Variants in IQGAP2 observed in about 807,000 individuals in gnomAD.
The protein encoded by IQGAP2 is ras GTPase-activating-like protein IQGAP2.
In IQGAP2, 173 loss-of-function variants were observed where a neutral mutation model predicts 201.3. The observed-to-expected ratio is 0.86, with a 90% CI of 0.76 to 0.98. The LOEUF (loss-of-function observed/expected upper bound fraction) is 0.98. Ranked by LOEUF, IQGAP2 falls within the 50% of genes least tolerant of loss-of-function variation. The pLI, the probability that IQGAP2 is intolerant of heterozygous loss-of-function variation, is 0.00. For synonymous variants in IQGAP2, 675 were observed against 673.9 expected, an observed-to-expected ratio of 1.00 and a Z score of -0.03; for missense variants, 1,687 against 1,864.8, an observed-to-expected ratio of 0.90 and a Z score of 1.76.
rs534112895 is a variant in IQGAP2 at position 76,676,577 on chromosome 5, C to A, written c.3528-641C>A. 2.4e-3 allele frequency among the ~76,000 whole-genome samples: 358 copies of A among 152,338 alleles called. 2 individuals carry two copies. The highest frequency in any genetic ancestry group is 8.3e-3 in the African/African-American group (346 of 41,576). On this transcript the variant is annotated intron_variant, in intron 27 of 35. Coordinates refer to ENST00000274364, the MANE Select transcript of IQGAP2 (RefSeq NM_006633.5). Reference sequence around the variant, plus strand: ...ACTATTCAACTGTGATCACAGCATGCCTCACTTCTCTTGATCTCTGTCAAA... The same window carrying A: ...ACTATTCAACTGTGATCACAGCATGACTCACTTCTCTTGATCTCTGTCAAA...
At position 76,436,071 on chromosome 5, in the gene IQGAP2, A is replaced by G. The variant is rs1242159289; in HGVS notation, c.47-25499A>G. Among the ~76,000 whole-genome samples the G allele has an allele frequency of 3.9e-5, 6 of 152,238 alleles. No individual in the cohort carries two copies. In the East Asian group the frequency reaches 1.2e-3, roughly 29 times the overall value. On this transcript the variant is annotated intron_variant, in intron 1 of 35. Coordinates refer to ENST00000274364, the MANE Select transcript of IQGAP2 (RefSeq NM_006633.5). ...ATTGATTTGTGTACATTGATTTTAT[A>G]ACCTGAGACTTTACTGAACGCATTT...
chr5:76,655,317 GAGTT>G (rs1351774421), intron 20 of IQGAP2, among the ~76,000 whole-genome samples: 8 of 152,138 alleles, frequency 5.3e-5, no homozygotes, highest in Admixed American at 4.6e-4. Flanking sequence ...TAATGCAAAA[GAGTT>G]AGCCAGAAAA....
At chr5:76,417,890 C>G (rs1489551290) in intron 1 of IQGAP2, among the ~76,000 whole-genome samples, 2 of 150,652 alleles carry the variant, frequency 1.3e-5, no homozygotes, top group South Asian at 4.3e-4. Context: ...CTGATATGTG[C>G]TTTTTTTTGA....
At chr5:76,454,485 C>G (rs1367034881) in intron 1 of IQGAP2, among the ~76,000 whole-genome samples, 1 of 145,008 alleles carries the variant, frequency 6.9e-6, no homozygotes, top group Non-Finnish European at 1.5e-5. Context: ...TGTTCCACTT[C>G]CTGTGTCCAT....
At chr5:76,652,649 T>C (rs2252231) in intron 17 of IQGAP2, 101 bp from the exon 18 acceptor site, 431,413 of 838,782 alleles carry the variant, frequency 0.51, 114,686 homozygotes, top group Middle Eastern at 0.57. Context: ...CCTGACAGTG[T>C]CCCAGCTCCA....
chr5:76,592,811 G>T (rs1200351908), intron 8 of IQGAP2, 27 bp from the exon 9 acceptor site: 1 of 1,416,158 alleles, frequency 7.1e-7, no homozygotes, highest in South Asian at 1.2e-5. Flanking sequence ...TTTAACCTCA[G>T]AAATCAGTGA....
At chr5:76,613,636 G>T (rs1191276194) in intron 13 of IQGAP2, among the ~76,000 whole-genome samples, 3 of 152,182 alleles carry the variant, frequency 2.0e-5, no homozygotes, top group Non-Finnish European at 2.9e-5. Flanking sequence ...AATGTAGCTA[G>T]TATTATTGTG....
chr5:76,667,496 A>G (rs1743887328), intron 22 of IQGAP2, among the ~76,000 whole-genome samples: 1 of 152,170 alleles, frequency 6.6e-6, no homozygotes. Context: ...CCTGAACATT[A>G]TTGTTCTCTT....
intron 12 of IQGAP2, 142 bp downstream of exon 12, chr5:76,606,445 T>C (rs1215609178): frequency 3.7e-6 from 2 of 546,502 alleles, no homozygotes; most frequent in African/African-American, 3.8e-5. Flanking sequence ...CCTTTATTTA[T>C]AGGTAGATTT....
intron 17 of IQGAP2, among the ~76,000 whole-genome samples, chr5:76,644,584 G>A (rs539438125): frequency 1.1e-3 from 159 of 151,028 alleles, no homozygotes; most frequent in African/African-American, 3.7e-3. Context: ...ATAGGCATAA[G>A]CCACCACACC....
At chr5:76,555,966 T>A (rs1408831143) in intron 2 of IQGAP2, among the ~76,000 whole-genome samples, 1 of 152,176 alleles carries the variant, frequency 6.6e-6, no homozygotes, top group African/African-American at 2.4e-5. Context: ...GACTCTGGTA[T>A]TGAAGGAGCT....
chr5:76,702,639 T>A (rs1747507161), intron 35 of IQGAP2, 49 bp downstream of exon 35: 1 of 878,390 alleles, frequency 1.1e-6, no homozygotes, highest in Non-Finnish European at 2.0e-6. Context: ...TATATGTGGA[T>A]CATACATTGC....
At chr5:76,674,438 C>A in intron 26 of IQGAP2, 39 bp from the exon 27 acceptor site, 1 of 1,224,650 alleles carries the variant, frequency 8.2e-7, no homozygotes, top group Non-Finnish European at 1.2e-6. Flanking sequence ...CTTGAGTTTT[C>A]TCTCTTAAAA....
chr5:76,703,933 T>C (rs3822548), intron 35 of IQGAP2, among the ~76,000 whole-genome samples: 49,061 of 152,062 alleles, frequency 0.32, 8,065 homozygotes, highest in Non-Finnish European at 0.35. Context: ...CTGGAATTAC[T>C]TCCCCATCAT....
At chr5:76,493,223 G>A (rs910564484) in intron 2 of IQGAP2, among the ~76,000 whole-genome samples, 6 of 151,942 alleles carry the variant, frequency 3.9e-5, no homozygotes, top group South Asian at 4.2e-4. Context: ...GGTGGCTCTC[G>A]TCGCACCCAG....
Position 76,567,207 on chromosome 5 carries a change from G to C in IQGAP2, c.304-3373G>C, listed in dbSNP as rs535081345. ...TCTGAGCCTCAGTTTCCTCACCTGT[G>C]AAGTGGGAATACAGATTGAATATCC... On this transcript the variant is annotated intron_variant, in intron 3 of 35. Transcript: ENST00000274364. Among the ~76,000 whole-genome samples the C allele has an allele frequency of 1.3e-4, 20 of 152,276 alleles. No homozygotes were observed. In the South Asian group the frequency reaches 1.9e-3, roughly 14 times the overall value.
chr5:76,602,676 G>T (rs1343197624), intron 11 of IQGAP2, among the ~76,000 whole-genome samples: 1 of 151,984 alleles, frequency 6.6e-6, no homozygotes, highest in Non-Finnish European at 1.5e-5. Flanking sequence ...ATTGACACTT[G>T]TATTGGCCCC....
chr5:76,573,443 A>G (rs1233162369), intron 4 of IQGAP2, among the ~76,000 whole-genome samples: 3 of 152,264 alleles, frequency 2.0e-5, no homozygotes, highest in African/African-American at 7.2e-5. Flanking sequence ...ACAATGCTGC[A>G]TAAAACATTC....
chr5:76,589,791 A>G lies in IQGAP2; in HGVS notation c.640+63A>G. The G allele has an allele frequency of 3.8e-6, 3 of 798,734 alleles. No homozygotes were observed. In the East Asian group the frequency reaches 8.9e-5, roughly 24 times the overall value. 49.5% of individuals were successfully genotyped at this position (798,734 alleles called of 1,614,324 possible). ...AGACTTACCTGTACTTTACCTATTG[A>G]TTTTGATTACTCGAAATAGAATATT... On this transcript the variant is annotated intron_variant, in intron 7 of 35. Transcript: ENST00000274364.
Sources: allele counts gnomAD v4.1 joint callset (sites outside exome capture counted in the v4.1 genomes callset), GRCh38; gene constraint gnomAD v4.1.1; transcripts MANE v1.5; gene names NCBI Gene and HGNC (gene_info 2026-07-23, HGNC 2026-07-21).